The following AGBL2 variants were observed in gnomAD, a reference collection of about 807,000 sequenced individuals.
The protein encoded by AGBL2 is cytosolic carboxypeptidase 2.
Under a neutral mutation model 103.0 loss-of-function variants are expected in AGBL2, and 87 were observed. That is an observed-to-expected ratio of 0.84 (90% confidence interval 0.71 to 1.01). AGBL2 has a LOEUF of 1.01. Among genes scored for constraint, AGBL2 ranks in the 50% least tolerant of loss-of-function variants. The pLI is 0.00. For missense variants in AGBL2, 904 were observed against 1,023.5 expected (o/e 0.88, Z 1.59); for synonymous variants, 335 against 356.7 (o/e 0.94, Z 0.69).
At chr11:47,688,432 T>A (rs1430137791) in intron 10 of AGBL2, among the ~76,000 whole-genome samples, 1 of 152,126 alleles carries the variant, frequency 6.6e-6, no homozygotes, top group Admixed American at 6.6e-5. Context: ...AAGAAAGCCT[T>A]GATTCCTGAC....
chr11:47,663,555 T>C (rs2097333327), intron 17 of AGBL2, among the ~76,000 whole-genome samples: 1 of 150,182 alleles, frequency 6.7e-6, no homozygotes, highest in African/African-American at 2.4e-5. Context: ...CATTATAGTA[T>C]TCTTTTTTTT....
chr11:47,697,317 A>G (rs1488261743), intron 8 of AGBL2, among the ~76,000 whole-genome samples: 3 of 151,844 alleles, frequency 2.0e-5, no homozygotes, highest in Non-Finnish European at 2.9e-5. Context: ...GGCTCACTGC[A>G]ACCTCCACCT....
intron 10 of AGBL2, among the ~76,000 whole-genome samples, chr11:47,688,159 G>A (rs2045614): frequency 0.98 from 148,790 of 152,056 alleles, 72,878 homozygotes; most frequent in Middle Eastern, 1. Flanking sequence ...GGGTCTCACT[G>A]TGTTGCTCAG....
intron 4 of AGBL2, among the ~76,000 whole-genome samples, chr11:47,709,692 A>G (rs2097531571): frequency 6.6e-6 from 1 of 151,800 alleles, no homozygotes; most frequent in South Asian, 2.1e-4. Flanking sequence ...GGTTCACACA[A>G]TCCTCCTGCC....
At chr11:47,679,567 A>T (rs558037522) in intron 13 of AGBL2, among the ~76,000 whole-genome samples, 105 of 152,182 alleles carry the variant, frequency 6.9e-4, no homozygotes, top group African/African-American at 2.4e-3. Context: ...GAAAACTAGT[A>T]AGAGGAAAAT....
At chr11:47,667,213 A>G in intron 16 of AGBL2, 150 bp from the exon 17 acceptor site, 1 of 641,022 alleles carries the variant, frequency 1.6e-6, no homozygotes, top group East Asian at 2.7e-5. Flanking sequence ...ACAAAGATTG[A>G]TGAGCTATCC....
In AGBL2 at chr11:47,663,054, A is replaced by G. The variant is rs143062279; in HGVS notation, c.2507T>C (p.Ile836Thr). 6.6e-5 allele frequency: 107 copies of G among 1,611,432 alleles called. No individual in the cohort carries two copies. Among genetic ancestry groups the G allele is most frequent in the Non-Finnish European group, 9.0e-5 (106 of 1,179,334 alleles). Residue 836 changes from isoleucine to threonine, a missense_variant, in exon 18 of 19, where the codon ATT becomes ACT. Ile to Thr is a moderately conservative substitution (Grantham distance 89, BLOSUM62 -1). Transcript: ENST00000525123. ...TPLDPSMATL[I>T]LPKNKGRMQN... ...CATTCTCCCTTTATTCTTAGGCAGAATCAGGGTGGCCATTGATGGGTCCAG... is the reference window on the plus strand; with the variant it reads ...CATTCTCCCTTTATTCTTAGGCAGAGTCAGGGTGGCCATTGATGGGTCCAG...
intron 5 of AGBL2, 76 bp downstream of exon 5, chr11:47,705,787 TG>T: frequency 7.8e-7 from 1 of 1,275,270 alleles, no homozygotes; most frequent in Non-Finnish European, 1.1e-6. Context: ...TTCTTAGGTC[TG>T]GTGGGAACAG....
intron 3 of AGBL2, 156 bp downstream of exon 3, chr11:47,714,128 G>A: frequency 1.6e-6 from 1 of 620,828 alleles, no homozygotes; most frequent in Non-Finnish European, 2.9e-6. Context: ...AGATCAATGG[G>A]GAAAGGAAGT....
intron 12 of AGBL2, 65 bp downstream of exon 12, chr11:47,681,904 C>A (rs1300307705): frequency 1.3e-6 from 2 of 1,563,800 alleles, no homozygotes; most frequent in Non-Finnish European, 1.7e-6. Flanking sequence ...GGCATTTTAT[C>A]TCCCTGATGC....
At chr11:47,662,248 A>G (rs1276625441) in intron 18 of AGBL2, among the ~76,000 whole-genome samples, 1 of 151,788 alleles carries the variant, frequency 6.6e-6, no homozygotes. Context: ...ATCTTGGTTC[A>G]CTGCAAACTC....
chr11:47,679,086 A>G (rs1201190880), intron 13 of AGBL2, among the ~76,000 whole-genome samples: 1 of 149,218 alleles, frequency 6.7e-6, no homozygotes, highest in East Asian at 2.0e-4. Context: ...AAAAAAAAAA[A>G]AAAGAAAAGA....
intron 2 of AGBL2, 132 bp downstream of exon 2, chr11:47,714,486 G>T (rs1008207687): frequency 3.0e-6 from 4 of 1,324,592 alleles, no homozygotes; most frequent in Non-Finnish European, 4.3e-6. Context: ...CTATCGTGGG[G>T]ATCAAGATCT....
At chr11:47,691,729 A>AAAAAAAAAAAAATATATATAT in intron 9 of AGBL2, among the ~76,000 whole-genome samples, 1 of 4,856 alleles carries the variant, frequency 2.1e-4, no homozygotes, top group African/African-American at 7.2e-4. Flanking sequence ...AAAAAAAAAA[A>AAAAAAAAAAAAATATATATAT]ATATATATAT....
chr11:47,712,824 G>T (rs2097539384), intron 3 of AGBL2, among the ~76,000 whole-genome samples: 1 of 152,120 alleles, frequency 6.6e-6, no homozygotes, highest in South Asian at 2.1e-4. Context: ...TGGATCACCT[G>T]AGGTCAGTTC....
chr11:47,714,152 G>A lies in AGBL2; in HGVS notation c.97+132C>T, dbSNP rs560766112. 1.2e-4 allele frequency: 78 copies of A among 677,720 alleles called. 1 individual carries two copies. In the South Asian group the frequency reaches 1.4e-3, roughly 12 times the overall value. The allele number at this position is 677,720 out of a possible 1,614,324, so 42.0% of individuals were successfully genotyped here. ...GGGAAAGGAAGTACTTTTCACTAAT[G>A]GTAGAGGAAAAAGTATTTATTTGTC... On this transcript the variant is annotated intron_variant, in intron 3 of 18. Transcript: ENST00000525123.
At chr11:47,712,125 G>A (rs959579092) in intron 3 of AGBL2, among the ~76,000 whole-genome samples, 23 of 152,278 alleles carry the variant, frequency 1.5e-4, no homozygotes, top group African/African-American at 5.3e-4. Flanking sequence ...TATTGCAAAA[G>A]TAATGGCCAC....
chr11:47,696,674 C>T (rs779563146), intron 8 of AGBL2, among the ~76,000 whole-genome samples: 7 of 152,066 alleles, frequency 4.6e-5, no homozygotes, highest in South Asian at 2.1e-4. Flanking sequence ...TCTAGCAATT[C>T]GTCCTGTTGA....
At chr11:47,683,797 T>C (rs1231312726) in intron 11 of AGBL2, among the ~76,000 whole-genome samples, 1 of 151,096 alleles carries the variant, frequency 6.6e-6, no homozygotes, top group Non-Finnish European at 1.5e-5. Flanking sequence ...AAAATACTTT[T>C]CTAAAGCCAG....
Sources: allele counts gnomAD v4.1 joint callset (sites outside exome capture counted in the v4.1 genomes callset), GRCh38; gene constraint gnomAD v4.1.1; transcripts MANE v1.5; gene names NCBI Gene and HGNC (gene_info 2026-07-23, HGNC 2026-07-21).